Variants in RALGAPB observed in about 807,000 individuals in gnomAD.
RALGAPB encodes Ral GTPase activating protein non-catalytic subunit beta.
A neutral mutation model predicts 161.1 loss-of-function variants in RALGAPB; 25 were observed. The ratio of observed to expected loss-of-function variants is 0.16; its 90% CI spans 0.11 to 0.22. The LOEUF (loss-of-function observed/expected upper bound fraction) is 0.22, where lower values mean the gene tolerates loss of function less well. RALGAPB is among the 10% of genes least tolerant of loss of function. RALGAPB has a pLI of 1.00. For synonymous variants in RALGAPB, 629 were observed against 626.1 expected (o/e 1.00, Z -0.07); for missense variants, 1,391 against 1,815.2 (o/e 0.77, Z 4.25).
intron 22 of RALGAPB, among the ~76,000 whole-genome samples, chr20:38,556,732 T>G (rs941934205): frequency 5.9e-5 from 9 of 151,928 alleles, no homozygotes; most frequent in Non-Finnish European, 1.3e-4. Context: ...AATACCTTAC[T>G]TTAAAAAAAA....
intron 24 of RALGAPB, 83 bp from the exon 25 acceptor site, chr20:38,565,276 C>G (rs2087951847): frequency 6.8e-7 from 1 of 1,472,568 alleles, no homozygotes; most frequent in Non-Finnish European, 9.3e-7. Flanking sequence ...CTTTATTAAC[C>G]AGTTAACATT....
In RALGAPB at chr20:38,534,152, A is replaced by C. The variant is rs2086736793; in HGVS notation, c.2246-922A>C. 2.0e-5 allele frequency among the ~76,000 whole-genome samples: 3 copies of C among 151,940 alleles called. No homozygotes were observed. The South Asian group carries it at 6.2e-4, about 32-fold the overall frequency. ...AGACTCCATCTCAAAAAAAAAAAAA[A>C]AAAACAGAAAACAAAAACAAAAAAA... On this transcript the variant is annotated intron_variant, in intron 15 of 29. Transcript: ENST00000262879.
intron 24 of RALGAPB, among the ~76,000 whole-genome samples, chr20:38,563,017 A>G (rs566201658): frequency 1.8e-4 from 27 of 152,264 alleles, no homozygotes; most frequent in African/African-American, 4.6e-4. Context: ...TGGAGCTATG[A>G]TCATGCCACA....
Position 38,575,143 on chromosome 20 carries a change from A to G in RALGAPB, c.*176A>G. ...TTTGATAGAAGACTTTGGGCTATCT[A>G]GTGAAATGGGCTCCCAGACACAATC... On this transcript the variant is annotated 3_prime_UTR_variant, in exon 30 of 30. Coordinates refer to ENST00000262879, the MANE Select transcript of RALGAPB (RefSeq NM_020336.4). The G allele has an allele frequency of 3.4e-6, 2 of 594,402 alleles. No homozygotes were observed. The highest frequency in any genetic ancestry group is 5.9e-6 in the Non-Finnish European group (2 of 340,740). 36.8% of individuals were successfully genotyped at this position (594,402 alleles called of 1,614,324 possible). A position where few individuals can be genotyped will look rare whatever the true frequency, so the allele number is the denominator to read the frequency against.
rs1351643685 is a variant in RALGAPB, at chr20:38,578,466, C to T, written c.*3499C>T. The T allele has an allele frequency of 6.6e-6, 1 of 152,560 alleles. No individual in the cohort carries two copies. The highest frequency in any genetic ancestry group is 1.5e-5 in the Non-Finnish European group (1 of 68,024). The allele number at this position is 152,560 out of a possible 1,614,324, so 9.5% of individuals were successfully genotyped here. On this transcript the variant is annotated 3_prime_UTR_variant, in exon 30 of 30. Transcript: ENST00000262879. ...GGCGCCCAGTAAATACTTGTTGAAG[C>T]AAACCAAGTTTCCCAAGTCCTCATC...
In RALGAPB at chr20:38,575,074, CTTACTGT is replaced by C; in HGVS notation, c.*111_*117del. 3 of 953,186 alleles carry C rather than the reference CTTACTGT, an allele frequency of 3.1e-6. No individual in the cohort carries two copies. Among genetic ancestry groups the C allele is most frequent in the Non-Finnish European group, 4.8e-6 (3 of 625,372 alleles). 59.0% of individuals were successfully genotyped at this position (953,186 alleles called of 1,614,324 possible). ...AATAAAAACAAATCACTCCCAAGAG[CTTACTGT>C]TTAATCACCAGAATAGAAGAAACAC... On this transcript the variant is annotated 3_prime_UTR_variant, in exon 30 of 30. Transcript: ENST00000262879.
intron 19 of RALGAPB, chr20:38,548,107 A>G (rs2087235191): frequency 1.3e-5 from 2 of 152,026 alleles, no homozygotes; most frequent in Admixed American, 1.3e-4. Flanking sequence ...ACGGAAGAAT[A>G]AAAAAAAGGA....
At chr20:38,495,246 C>G (rs570596812) in intron 3 of RALGAPB, among the ~76,000 whole-genome samples, 14 of 151,962 alleles carry the variant, frequency 9.2e-5, no homozygotes, top group African/African-American at 3.4e-4. Flanking sequence ...TGCCATTTTG[C>G]TAGAGATTAT....
At chr20:38,486,900 G>A (rs573957064) in intron 1 of RALGAPB, among the ~76,000 whole-genome samples, 18 of 152,150 alleles carry the variant, frequency 1.2e-4, no homozygotes, top group Middle Eastern at 3.2e-3. Context: ...TGTCCACTGT[G>A]TGCTAGGGAC....
At chr20:38,484,545 T>G (rs2085063174) in intron 1 of RALGAPB, among the ~76,000 whole-genome samples, 1 of 152,132 alleles carries the variant, frequency 6.6e-6, no homozygotes, top group Non-Finnish European at 1.5e-5. Context: ...TTTTTTTGTT[T>G]TTGTTTTTGT....
intron 1 of RALGAPB, among the ~76,000 whole-genome samples, chr20:38,477,846 G>A (rs999474106): frequency 2.7e-4 from 41 of 152,284 alleles, no homozygotes; most frequent in Admixed American, 2.3e-3. Context: ...CCAGGTCACC[G>A]AGTGCGGTGG....
chr20:38,506,543 C>G (rs948113497), intron 5 of RALGAPB, among the ~76,000 whole-genome samples: 5 of 152,218 alleles, frequency 3.3e-5, no homozygotes, highest in African/African-American at 1.2e-4. Flanking sequence ...GTCCTCCTGC[C>G]TTGGCCTCCC....
At chr20:38,478,100 C>T (rs1294901144) in intron 1 of RALGAPB, among the ~76,000 whole-genome samples, 9 of 152,116 alleles carry the variant, frequency 5.9e-5, no homozygotes, top group Admixed American at 4.6e-4. Context: ...GTAGCCTGGG[C>T]GACAGAGTGA....
At position 38,577,084 on chromosome 20, in the gene RALGAPB, G is replaced by A. The variant is rs2088465820; in HGVS notation, c.*2117G>A. The A allele has an allele frequency of 6.6e-6, 1 of 152,170 alleles. No individual in the cohort carries two copies. The highest frequency in any genetic ancestry group is 6.5e-5 in the Admixed American group (1 of 15,278). 9.4% of individuals were successfully genotyped at this position (152,170 alleles called of 1,614,324 possible). ...CTGGGAGACTTCCTCGTCTTCCAGG[G>A]AAGGAAGGATGTGCAGCCCCTGAAG... is the stretch of plus-strand genomic sequence containing the variant. On this transcript the variant is annotated 3_prime_UTR_variant, in exon 30 of 30. Transcript: ENST00000262879.
intron 19 of RALGAPB, chr20:38,547,696 G>A (rs142371594): frequency 5.3e-5 from 8 of 152,300 alleles, no homozygotes; most frequent in African/African-American, 1.9e-4. Context: ...GAGATGCGGT[G>A]ACATTAATGT....
At chr20:38,516,055 T>C in intron 6 of RALGAPB, 137 bp from the exon 7 acceptor site, 3 of 616,664 alleles carry the variant, frequency 4.9e-6, no homozygotes, top group Non-Finnish European at 7.9e-6. Flanking sequence ...TTTGAATCGC[T>C]GGCCCATTAA....
chr20:38,546,182 C>T (rs2087155876), intron 18 of RALGAPB, 61 bp from the exon 19 acceptor site: 1 of 1,605,818 alleles, frequency 6.2e-7, no homozygotes, highest in Non-Finnish European at 8.5e-7. Context: ...CACATTGATG[C>T]ACAAGGTAAA....
intron 14 of RALGAPB, 146 bp downstream of exon 14, chr20:38,531,377 A>G: frequency 1.5e-6 from 1 of 687,768 alleles, no homozygotes. Flanking sequence ...TTTTAAAAAT[A>G]ATGTATATTT....
chr20:38,508,036 A>G (rs930937055), intron 5 of RALGAPB, among the ~76,000 whole-genome samples: 2 of 151,660 alleles, frequency 1.3e-5, no homozygotes, highest in African/African-American at 2.4e-5. Context: ...TTCATGTAAA[A>G]CTATTATAAC....
Sources: gnomAD v4.1 joint callset for allele counts (sites outside exome capture counted in the v4.1 genomes callset) on GRCh38, gnomAD v4.1.1 for gene constraint, MANE v1.5 for transcripts, NCBI Gene and HGNC (gene_info 2026-07-23, HGNC 2026-07-21) for gene names.